The following HEXA variants were observed in gnomAD, a reference collection of about 807,000 sequenced individuals.
The protein encoded by HEXA is beta-hexosaminidase subunit alpha.
HEXA carries 54 observed loss-of-function variants against 73.3 expected under a neutral mutation model. The ratio of observed to expected loss-of-function variants is 0.74; its 90% CI spans 0.59 to 0.92. The LOEUF is 0.92. Among genes scored for constraint, HEXA ranks in the 40% least tolerant of loss-of-function variants. The pLI, the probability that HEXA is intolerant of heterozygous loss-of-function variation, is 0.00. For synonymous variants in HEXA, 230 were observed against 246.9 expected (o/e 0.93, Z 0.64); for missense variants, 649 against 653.0 (o/e 0.99, Z 0.07).
rs1289824297 is a variant in HEXA at position 72,342,728 on chromosome 15, G to C, written c.*1349C>G. On this transcript the variant is annotated 3_prime_UTR_variant, in exon 14 of 14. Transcript: ENST00000268097. ...TTTGGGCTGAAAATGGTTGGGAGGA[G>C]GGGGATGGAAGTCGCCTACGTTATT... is the stretch of plus-strand genomic sequence containing the variant. 1 of 152,284 alleles carries C rather than the reference G, an allele frequency of 6.6e-6. No homozygotes were observed. Among genetic ancestry groups the C allele is most frequent in the African/African-American group, 2.4e-5 (1 of 41,450 alleles). The allele number at this position is 152,284 out of a possible 1,614,324, so 9.4% of individuals were successfully genotyped here. A position where few individuals can be genotyped will look rare whatever the true frequency, so the allele number is the denominator to read the frequency against.
At chr15:72,354,766 A>AT (rs1431479757) in intron 3 of HEXA, 1 of 152,372 alleles carries the variant, frequency 6.6e-6, no homozygotes, top group East Asian at 1.9e-4. Context: ...TTCCCACATC[A>AT]TTCACCAGCA....
chr15:72,375,093 G>C (rs986740862), intron 1 of HEXA, among the ~76,000 whole-genome samples: 2 of 151,288 alleles, frequency 1.3e-5, no homozygotes, highest in Non-Finnish European at 2.9e-5. Flanking sequence ...TTTGGGGGGG[G>C]GGGTTGTTTT....
chr15:72,348,000 C>A (rs757467632), intron 9 of HEXA, 48 bp downstream of exon 9: 1 of 1,323,682 alleles, frequency 7.6e-7, no homozygotes, highest in Non-Finnish European at 1.1e-6. Context: ...GGGAGGACCC[C>A]ACAGGAGGAC....
chr15:72,365,559 T>C (rs1173905007), intron 1 of HEXA, among the ~76,000 whole-genome samples: 1 of 152,226 alleles, frequency 6.6e-6, no homozygotes, highest in African/African-American at 2.4e-5. Context: ...TTTGCTTACT[T>C]AGAAAGGCCT....
chr15:72,349,259 C>T lies in HEXA; in HGVS notation c.806G>A (p.Gly269Asp), dbSNP rs2088664194. 8.1e-6 allele frequency: 13 copies of T among 1,613,526 alleles called. No homozygotes were observed. Among genetic ancestry groups the T allele is most frequent in the Non-Finnish European group, 1.1e-5 (13 of 1,179,660 alleles). The change falls in exon 8 of 14, where the codon GGT becomes GAT. Residue 269 changes from glycine (G) to aspartate (D), a missense_variant and splice_region_variant. Coordinates refer to ENST00000268097, the MANE Select transcript of HEXA (RefSeq NM_000520.6). ...TPGHTLSWGP[G>D]IPGLLTPCYS... The stretch of plus-strand genomic sequence containing the variant: ...GCAAGGAGTCAGTAATCCAGGGATA[C>T]CTAAGCCAAGAGAAAACCCCATATG...
intron 1 of HEXA, 126 bp downstream of exon 1, chr15:72,375,594 G>T: frequency 1.0e-6 from 1 of 981,328 alleles, no homozygotes; most frequent in Non-Finnish European, 1.5e-6. Context: ...GCTCGAGGAG[G>T]AAGTGGAGTG....
At chr15:72,366,625 C>T (rs2088919911) in intron 1 of HEXA, among the ~76,000 whole-genome samples, 1 of 151,782 alleles carries the variant, frequency 6.6e-6, no homozygotes, top group South Asian at 2.1e-4. Context: ...TTACTTAATA[C>T]TTTGGATCCT....
intron 1 of HEXA, among the ~76,000 whole-genome samples, chr15:72,369,529 G>C (rs1354402469): frequency 2.0e-5 from 3 of 151,980 alleles, no homozygotes; most frequent in African/African-American, 7.3e-5. Flanking sequence ...TTTGTTTCTA[G>C]GTTTTTGTTT....
At chr15:72,348,269 A>G (rs1200224949) in intron 8 of HEXA, 135 bp from the exon 9 acceptor site, 8 of 714,834 alleles carry the variant, frequency 1.1e-5, no homozygotes, top group African/African-American at 3.5e-5. Flanking sequence ...CAGAAGCCCT[A>G]CATGTGGAAA....
chr15:72,366,311 A>AT lies in HEXA; in HGVS notation c.253+9408dup, dbSNP rs200545840. Among the ~76,000 whole-genome samples, 978 of 142,664 alleles carry AT rather than the reference A, an allele frequency of 6.9e-3. 7 individuals are homozygous for AT. Among genetic ancestry groups the AT allele is most frequent in the African/African-American group, 0.016 (606 of 39,042 alleles). 93.6% of individuals were successfully genotyped at this position (142,664 alleles called of 152,430 possible). A position where few individuals can be genotyped will look rare whatever the true frequency, so the allele number is the denominator to read the frequency against. On this transcript the variant is annotated intron_variant, in intron 1 of 13. Transcript: ENST00000268097. ...TCCTGATCACTTCTTTATTCACTTA[A>AT]TTTTTTTTTTTTTTTGAGATGGAGT... is the stretch of plus-strand genomic sequence containing the variant.
At chr15:72,371,988 A>G (rs984814902) in intron 1 of HEXA, among the ~76,000 whole-genome samples, 1 of 152,176 alleles carries the variant, frequency 6.6e-6, no homozygotes, top group Admixed American at 6.5e-5. Context: ...TCAGACCAGG[A>G]TGGGAACCTT....
chr15:72,358,815 C>T (rs187660460), intron 1 of HEXA: 33 of 152,292 alleles, frequency 2.2e-4, no homozygotes, highest in African/African-American at 7.7e-4. Context: ...GACACTAGGT[C>T]ATTGTAAAGG....
At chr15:72,373,244 CCTT>C (rs1273070507) in intron 1 of HEXA, among the ~76,000 whole-genome samples, 2 of 152,212 alleles carry the variant, frequency 1.3e-5, no homozygotes, top group Admixed American at 1.3e-4. Flanking sequence ...GCATATGTTG[CCTT>C]CTTTACTAAA....
At chr15:72,361,793 C>T (rs1033612657) in intron 1 of HEXA, among the ~76,000 whole-genome samples, 1 of 152,200 alleles carries the variant, frequency 6.6e-6, no homozygotes, top group Admixed American at 6.5e-5. Context: ...CTTACAATTA[C>T]ACAATCCTTA....
chr15:72,352,058 G>C (rs72733400), intron 5 of HEXA, among the ~76,000 whole-genome samples: 4 of 152,244 alleles, frequency 2.6e-5, no homozygotes, highest in Admixed American at 1.3e-4. Context: ...CCAGGCTCAG[G>C]TGATTCTCCC....
intron 13 of HEXA, 117 bp downstream of exon 13, chr15:72,345,329 G>C (rs1189782165): frequency 1.1e-5 from 17 of 1,537,084 alleles, no homozygotes; most frequent in Non-Finnish European, 1.5e-5. Flanking sequence ...GATGAGGGCT[G>C]ACTATAAGCC....
intron 1 of HEXA, among the ~76,000 whole-genome samples, chr15:72,363,971 C>T (rs1203547575): frequency 6.6e-6 from 1 of 151,944 alleles, no homozygotes; most frequent in East Asian, 1.9e-4. Context: ...TAAAAATGGG[C>T]CCAGGCTAGG....
At chr15:72,348,201 T>G in intron 8 of HEXA, 67 bp from the exon 9 acceptor site, 1 of 1,061,394 alleles carries the variant, frequency 9.4e-7, no homozygotes, top group Non-Finnish European at 1.5e-6. Flanking sequence ...TGGGGATTAG[T>G]CACCTGGCCC....
chr15:72,344,172 A>C (rs536980660), intron 13 of HEXA, 32 bp from the exon 14 acceptor site: 1 of 1,596,070 alleles, frequency 6.3e-7, no homozygotes, highest in Non-Finnish European at 8.6e-7. Flanking sequence ...TGGCAAGATA[A>C]GCCCCTCAGA....
Sources: gnomAD v4.1 joint callset for allele counts (sites outside exome capture counted in the v4.1 genomes callset) on GRCh38, gnomAD v4.1.1 for gene constraint, MANE v1.5 for transcripts, NCBI Gene and HGNC (gene_info 2026-07-23, HGNC 2026-07-21) for gene names.